Variants in CDH11 observed in about 807,000 individuals in gnomAD.
CDH11 encodes the protein cadherin-11.
In CDH11, 11 loss-of-function variants were observed where a neutral mutation model predicts 67.8. That is an observed-to-expected ratio of 0.16 (90% CI 0.10 to 0.27). CDH11 has a LOEUF of 0.27. CDH11 is among the 10% of genes least tolerant of loss of function. CDH11 has a pLI of 1.00. For synonymous variants in CDH11, 419 were observed against 400.0 expected (o/e 1.05, Z -0.57); for missense variants, 847 against 1,031.2 (o/e 0.82, Z 2.45).
At chr16:64,952,109 T>C (rs2071378996) in intron 11 of CDH11, among the ~76,000 whole-genome samples, 2 of 152,208 alleles carry the variant, frequency 1.3e-5, no homozygotes, top group Admixed American at 6.5e-5. Context: ...GTGCCTGGTC[T>C]TTTTATCCAC....
intron 2 of CDH11, among the ~76,000 whole-genome samples, chr16:65,044,321 C>T (rs1332083551): frequency 6.6e-6 from 1 of 152,146 alleles, no homozygotes; most frequent in African/African-American, 2.4e-5. Context: ...CCATTAGGAA[C>T]AGTAGGCACA....
intron 1 of CDH11, among the ~76,000 whole-genome samples, chr16:65,105,970 C>T (rs1338032088): frequency 6.6e-6 from 1 of 152,148 alleles, no homozygotes; most frequent in African/African-American, 2.4e-5. Context: ...ACAACTGTTC[C>T]TTGGAGGACA....
intron 2 of CDH11, among the ~76,000 whole-genome samples, chr16:65,036,340 AAGGCTTGGCTTTAT>A (rs1368670822): frequency 6.6e-6 from 1 of 152,032 alleles, no homozygotes; most frequent in Non-Finnish European, 1.5e-5. Flanking sequence ...GCTTTATTCA[AAGGCTTGGCTTTAT>A]TCTGCTTGGG....
At chr16:64,968,209 T>A (rs1202130680) in intron 11 of CDH11, among the ~76,000 whole-genome samples, 1 of 152,178 alleles carries the variant, frequency 6.6e-6, no homozygotes, top group Non-Finnish European at 1.5e-5. Context: ...TCTTTCTTTA[T>A]CTGAAAATTG....
chr16:65,008,368 T>C (rs935322671), intron 2 of CDH11, among the ~76,000 whole-genome samples: 1 of 152,226 alleles, frequency 6.6e-6, no homozygotes, highest in Non-Finnish European at 1.5e-5. Context: ...AATGCTTATA[T>C]GACTATATGT....
intron 1 of CDH11, among the ~76,000 whole-genome samples, chr16:65,115,092 G>T (rs955301413): frequency 1.7e-4 from 26 of 152,140 alleles, no homozygotes; most frequent in Non-Finnish European, 2.5e-4. Flanking sequence ...GCAAACCTGT[G>T]ATGAATATCT....
At chr16:65,009,887 A>G (rs2073140203) in intron 2 of CDH11, among the ~76,000 whole-genome samples, 1 of 152,184 alleles carries the variant, frequency 6.6e-6, no homozygotes, top group Non-Finnish European at 1.5e-5. Context: ...CTATCTTGAG[A>G]GCAGATAGCC....
At chr16:65,052,822 C>T (rs972438254) in intron 2 of CDH11, among the ~76,000 whole-genome samples, 7 of 152,012 alleles carry the variant, frequency 4.6e-5, no homozygotes, top group Non-Finnish European at 5.9e-5. Flanking sequence ...TGCATTTGAA[C>T]GGTGGCAATA....
intron 2 of CDH11, among the ~76,000 whole-genome samples, chr16:65,050,639 A>G (rs186136092): frequency 2.4e-4 from 36 of 152,310 alleles, no homozygotes; most frequent in Admixed American, 1.7e-3. Flanking sequence ...TTAACCTGAA[A>G]AATCAAAGGA....
intron 2 of CDH11, among the ~76,000 whole-genome samples, chr16:65,029,175 A>G (rs962634568): frequency 3.3e-5 from 5 of 152,220 alleles, no homozygotes; most frequent in Non-Finnish European, 7.3e-5. Flanking sequence ...AGATTTAAGC[A>G]TTACACAGGA....
intron 1 of CDH11, among the ~76,000 whole-genome samples, chr16:65,058,632 T>C (rs1185609933): frequency 6.6e-6 from 1 of 152,202 alleles, no homozygotes; most frequent in Non-Finnish European, 1.5e-5. Context: ...CAAACCCATA[T>C]GGTAAAGCAT....
chr16:65,024,453 C>T (rs561962263), intron 2 of CDH11, among the ~76,000 whole-genome samples: 215 of 152,204 alleles, frequency 1.4e-3, no homozygotes, highest in African/African-American at 4.9e-3. Context: ...TGTGTGATTC[C>T]ATTGTACATC....
intron 2 of CDH11, among the ~76,000 whole-genome samples, chr16:65,011,875 T>A (rs1427049351): frequency 6.6e-6 from 1 of 152,214 alleles, no homozygotes; most frequent in Non-Finnish European, 1.5e-5. Flanking sequence ...TAACATAATG[T>A]AATGTCATTT....
chr16:65,077,945 C>T (rs907803223), intron 1 of CDH11, among the ~76,000 whole-genome samples: 1 of 152,194 alleles, frequency 6.6e-6, no homozygotes, highest in Non-Finnish European at 1.5e-5. Context: ...GAATTGACTT[C>T]ATTCACAGAA....
chr16:64,983,648 C>T (rs1327699056), intron 7 of CDH11, among the ~76,000 whole-genome samples: 1 of 152,182 alleles, frequency 6.6e-6, no homozygotes, highest in Non-Finnish European at 1.5e-5. Context: ...CCTCCATCTT[C>T]CCAGAGTCAG....
rs79202895 is a variant in CDH11 at position 65,016,741 on chromosome 16, G to A, written c.-172-11700C>T. ...AGCAATCCCAGACAGTAAAGTGAAA[G>A]TAAGCTTATTAAGAAGTAAATGAAT... On this transcript the variant is annotated intron_variant, in intron 2 of 12. Coordinates refer to ENST00000268603, the MANE Select transcript of CDH11 (RefSeq NM_001797.4). Among the ~76,000 whole-genome samples, 466 of 152,330 alleles carry A rather than the reference G, an allele frequency of 3.1e-3. 4 individuals are homozygous for A. Among genetic ancestry groups the A allele is most frequent in the African/African-American group, 0.011 (439 of 41,572 alleles).
intron 1 of CDH11, among the ~76,000 whole-genome samples, chr16:65,101,876 A>G (rs1407835954): frequency 6.6e-6 from 1 of 152,208 alleles, no homozygotes; most frequent in Non-Finnish European, 1.5e-5. Context: ...AGTGTGAATG[A>G]CTTTCGCTAA....
chr16:65,097,426 G>A (rs1406875355), intron 1 of CDH11, among the ~76,000 whole-genome samples: 1 of 152,178 alleles, frequency 6.6e-6, no homozygotes, highest in Non-Finnish European at 1.5e-5. Context: ...TCTAGGGTAG[G>A]GCTTGTCAGC....
intron 1 of CDH11, among the ~76,000 whole-genome samples, chr16:65,086,352 G>C (rs181658385): frequency 6.6e-6 from 1 of 152,124 alleles, no homozygotes; most frequent in South Asian, 2.1e-4. Flanking sequence ...CCACCTCAAG[G>C]GTTCCTGATT....
Sources: gnomAD v4.1 joint callset for allele counts (sites outside exome capture counted in the v4.1 genomes callset) on GRCh38, gnomAD v4.1.1 for gene constraint, MANE v1.5 for transcripts, NCBI Gene and HGNC (gene_info 2026-07-23, HGNC 2026-07-21) for gene names.